Variants in SPOCK3 observed in about 807,000 individuals in gnomAD.
SPOCK3 encodes SPARC (osteonectin), cwcv and kazal like domains proteoglycan 3.
SPOCK3 carries 30 observed loss-of-function variants against 56.6 expected under a neutral mutation model. The observed-to-expected ratio is 0.53, with a 90% CI of 0.40 to 0.72. The LOEUF is 0.72. Among genes scored for constraint, SPOCK3 ranks in the 30% least tolerant of loss-of-function variants. The pLI, the probability that SPOCK3 is intolerant of heterozygous loss-of-function variation, is 0.00. For synonymous variants in SPOCK3, 196 were observed against 183.3 expected (o/e 1.07, Z -0.56); for missense variants, 527 against 530.0 (o/e 0.99, Z 0.06).
intron 4 of SPOCK3, among the ~76,000 whole-genome samples, chr4:166,934,949 A>T (rs2150004317): frequency 6.6e-6 from 1 of 152,274 alleles, no homozygotes; most frequent in South Asian, 2.1e-4. Context: ...GTGAAGGAAG[A>T]ATCTATGAAA....
intron 8 of SPOCK3, among the ~76,000 whole-genome samples, chr4:166,749,586 T>G (rs926019084): frequency 1.3e-5 from 2 of 151,734 alleles, no homozygotes; most frequent in Non-Finnish European, 2.9e-5. Flanking sequence ...TGTATACATA[T>G]GTAACAAACC....
At chr4:166,794,643 C>CTTTTTTT (rs1170214198) in intron 6 of SPOCK3, among the ~76,000 whole-genome samples, 1 of 127,366 alleles carries the variant, frequency 7.9e-6, no homozygotes, top group Non-Finnish European at 1.7e-5. Flanking sequence ...TTCTTTCTTT[C>CTTTTTTT]TTTTTTTTTT....
chr4:167,218,697 C>T (rs1438168482), intron 2 of SPOCK3, among the ~76,000 whole-genome samples: 3 of 152,110 alleles, frequency 2.0e-5, no homozygotes, highest in African/African-American at 7.2e-5. Flanking sequence ...TTAAACATGT[C>T]ATTCCCCATA....
intron 5 of SPOCK3, among the ~76,000 whole-genome samples, chr4:166,908,162 A>C (rs1441851833): frequency 6.6e-6 from 1 of 151,956 alleles, no homozygotes; most frequent in East Asian, 1.9e-4. Flanking sequence ...TGGAAAAAAT[A>C]AATGACAGAA....
intron 4 of SPOCK3, among the ~76,000 whole-genome samples, chr4:166,945,646 T>C (rs1326190120): frequency 6.6e-6 from 1 of 152,152 alleles, no homozygotes; most frequent in Non-Finnish European, 1.5e-5. Context: ...CTCACTCCAA[T>C]TGACCACTAA....
chr4:166,990,795 A>C (rs1261556150), intron 4 of SPOCK3, among the ~76,000 whole-genome samples: 1 of 152,094 alleles, frequency 6.6e-6, no homozygotes, highest in Non-Finnish European at 1.5e-5. Flanking sequence ...ATCCCAATTG[A>C]TCACTGGAAA....
chr4:166,752,539 T>C (rs1736514522), intron 8 of SPOCK3, among the ~76,000 whole-genome samples: 1 of 144,588 alleles, frequency 6.9e-6, no homozygotes, highest in African/African-American at 2.6e-5. Flanking sequence ...ATATATAGAG[T>C]AGCTATATGT....
intron 2 of SPOCK3, among the ~76,000 whole-genome samples, chr4:167,105,720 A>G (rs913654864): frequency 2.0e-5 from 3 of 151,908 alleles, no homozygotes; most frequent in African/African-American, 7.2e-5. Flanking sequence ...TTAAAAAAAG[A>G]CCCAATGATC....
chr4:167,186,926 G>A (rs974110259), intron 2 of SPOCK3, among the ~76,000 whole-genome samples: 6 of 147,326 alleles, frequency 4.1e-5, no homozygotes, highest in Non-Finnish European at 7.4e-5. Context: ...GCAGTGAGCC[G>A]AGATCGTGCC....
chr4:167,151,601 A>AT lies in SPOCK3; in HGVS notation c.189+82383dup, dbSNP rs1290480350. 3.3e-5 allele frequency among the ~76,000 whole-genome samples: 5 copies of AT among 151,476 alleles called. No individual in the cohort carries two copies. In the East Asian group the frequency reaches 5.9e-4, roughly 18 times the overall value. On this transcript the variant is annotated intron_variant, in intron 2 of 10. Coordinates refer to ENST00000357545, the MANE Select transcript of SPOCK3 (RefSeq NM_001040159.2). ...AGGCACCCGCCACCACGCCTGGCTA[A>AT]TTTTTTTGTATTTTTAGTAGAGACG... is the stretch of plus-strand genomic sequence containing the variant.
At position 166,986,531 on chromosome 4, in the gene SPOCK3, T is replaced by C. The variant is rs961004978; in HGVS notation, c.350+13818A>G. The stretch of plus-strand genomic sequence containing the variant: ...CTTCTCAGGATTAGGCCCCTGTGTT[T>C]CCAAGCCATCTTACCATTTATAATT... On this transcript the variant is annotated intron_variant, in intron 4 of 10. Coordinates refer to ENST00000357545, the MANE Select transcript of SPOCK3 (RefSeq NM_001040159.2). Among the ~76,000 whole-genome samples the C allele has an allele frequency of 1.2e-4, 19 of 152,234 alleles. No homozygotes were observed. In the East Asian group the frequency reaches 3.7e-3, roughly 29 times the overall value.
chr4:166,938,714 G>A (rs1000305657), intron 4 of SPOCK3, among the ~76,000 whole-genome samples: 1 of 151,946 alleles, frequency 6.6e-6, no homozygotes, highest in Non-Finnish European at 1.5e-5. Context: ...CATTTAGTCA[G>A]TAAATAAATA....
At chr4:167,215,502 C>T (rs976926796) in intron 2 of SPOCK3, among the ~76,000 whole-genome samples, 4 of 151,996 alleles carry the variant, frequency 2.6e-5, no homozygotes, top group Admixed American at 2.0e-4. Flanking sequence ...GAATGAGATA[C>T]GTAACAGGAC....
At chr4:166,747,710 T>C (rs960292251) in intron 8 of SPOCK3, among the ~76,000 whole-genome samples, 1 of 152,124 alleles carries the variant, frequency 6.6e-6, no homozygotes, top group African/African-American at 2.4e-5. Context: ...TGTTTGCAGA[T>C]GACATGATTG....
chr4:166,966,815 G>T (rs1218820003), intron 4 of SPOCK3, among the ~76,000 whole-genome samples: 1 of 151,958 alleles, frequency 6.6e-6, no homozygotes, highest in Non-Finnish European at 1.5e-5. Flanking sequence ...AGAGTCTTGG[G>T]GATCCCAAGG....
chr4:166,956,028 A>G (rs754643550), intron 4 of SPOCK3, among the ~76,000 whole-genome samples: 5 of 152,090 alleles, frequency 3.3e-5, no homozygotes, highest in Non-Finnish European at 5.9e-5. Flanking sequence ...GTTCTTGGTG[A>G]GTTCAGTATC....
intron 4 of SPOCK3, among the ~76,000 whole-genome samples, chr4:166,948,207 G>A (rs760090473): frequency 7.2e-5 from 11 of 152,080 alleles, no homozygotes; most frequent in Admixed American, 1.3e-4. Flanking sequence ...TTTAATGGTC[G>A]AATAGTATTC....
intron 4 of SPOCK3, among the ~76,000 whole-genome samples, chr4:166,925,393 T>C (rs2149985139): frequency 6.6e-6 from 1 of 152,046 alleles, no homozygotes; most frequent in African/African-American, 2.4e-5. Context: ...AAAAACGTAT[T>C]CCCCAAATCA....
At chr4:166,791,490 G>A (rs529933700) in intron 7 of SPOCK3, among the ~76,000 whole-genome samples, 4 of 152,112 alleles carry the variant, frequency 2.6e-5, no homozygotes, top group South Asian at 2.1e-4. Context: ...GATTCAGCCC[G>A]TGTTTCGATA....
Sources: allele counts gnomAD v4.1 joint callset (sites outside exome capture counted in the v4.1 genomes callset), GRCh38; gene constraint gnomAD v4.1.1; transcripts MANE v1.5; gene names NCBI Gene and HGNC (gene_info 2026-07-23, HGNC 2026-07-21).